The following ZC3H14 variants were observed in gnomAD, a reference collection of about 807,000 sequenced individuals.
ZC3H14 encodes zinc finger CCCH-type containing 14, also known as zinc finger CCCH domain-containing protein 14.
In ZC3H14, 31 loss-of-function variants were observed where a neutral mutation model predicts 92.4. The observed-to-expected ratio is 0.34, with a 90% confidence interval of 0.25 to 0.45. ZC3H14 has a LOEUF of 0.45. ZC3H14 is among the 20% of genes least tolerant of loss of function. The pLI is 1.00. For synonymous variants in ZC3H14, 321 were observed against 300.9 expected, an observed-to-expected ratio of 1.07 and a Z score of -0.69; for missense variants, 781 against 897.3, an observed-to-expected ratio of 0.87 and a Z score of 1.66.
chr14:88,595,562 G>A (rs752415583), intron 9 of ZC3H14, among the ~76,000 whole-genome samples: 1 of 152,062 alleles, frequency 6.6e-6, no homozygotes, highest in Non-Finnish European at 1.5e-5. Context: ...TGTCATCTTC[G>A]TTACAGTTCC....
intron 15 of ZC3H14, among the ~76,000 whole-genome samples, chr14:88,610,129 T>G (rs2086321646): frequency 6.6e-6 from 1 of 152,176 alleles, no homozygotes; most frequent in Non-Finnish European, 1.5e-5. Flanking sequence ...AGAACTGAGA[T>G]GAAGAAATCC....
At chr14:88,567,426 T>C (rs536014580) in intron 2 of ZC3H14, among the ~76,000 whole-genome samples, 4 of 151,628 alleles carry the variant, frequency 2.6e-5, no homozygotes, top group Admixed American at 2.6e-4. Flanking sequence ...TTTTTCTTTT[T>C]TTTTTTTTTT....
intron 6 of ZC3H14, chr14:88,574,249 T>G (rs1402211558): frequency 6.3e-6 from 1 of 159,902 alleles, no homozygotes; most frequent in Non-Finnish European, 1.4e-5. Flanking sequence ...TAGTATTTAT[T>G]TATTTATTTA....
At position 88,571,063 on chromosome 14, in the gene ZC3H14, GT is replaced by G; in HGVS notation, c.195-15del. On this transcript the variant is annotated intron_variant, in intron 3 of 16. Transcript: ENST00000251038. ...CTTTCTTAACAGAAGGTTTATTTTT[GT>G]TTTTTGTTTTTTTCCTCAGGCTTCA... The G allele has an allele frequency of 2.0e-6, 3 of 1,526,840 alleles. No individual in the cohort carries two copies. Among genetic ancestry groups the G allele is most frequent in the Non-Finnish European group, 2.6e-6 (3 of 1,135,012 alleles). 94.6% of individuals were successfully genotyped at this position (1,526,840 alleles called of 1,614,324 possible). A position where few individuals can be genotyped will look rare whatever the true frequency, so the allele number is the denominator to read the frequency against.
At position 88,619,413 on chromosome 14, in the gene ZC3H14, C is replaced by T. The variant is rs988471093; in HGVS notation, c.*7662C>T. On this transcript the variant is annotated 3_prime_UTR_variant, in exon 17 of 17. Transcript: ENST00000251038. ...AATTTTTTAAATAGAGGCGGGGTCT[C>T]ACTATGGTCCCAAACTCCTGGCCTC... 4 of 152,330 alleles carry T rather than the reference C, an allele frequency of 2.6e-5. No individual in the cohort carries two copies. The highest frequency in any genetic ancestry group is 9.7e-5 in the African/African-American group (4 of 41,434). 9.4% of individuals were successfully genotyped at this position (152,330 alleles called of 1,614,324 possible).
At position 88,612,979 on chromosome 14, in the gene ZC3H14, TA is replaced by T. The variant is rs35822845; in HGVS notation, c.*1243del. ...CATTCTCAGGACCAAATTAAACTGC[TA>T]AAAAAAAAAAAAAAGTTCATTGACT... On this transcript the variant is annotated 3_prime_UTR_variant, in exon 17 of 17. Transcript: ENST00000251038. The T allele has an allele frequency of 0.33, 47,468 of 144,310 alleles. 7,980 individuals are homozygous for T. The highest frequency in any genetic ancestry group is 0.5 in the East Asian group (2,458 of 4,954). 8.9% of individuals were successfully genotyped at this position (144,310 alleles called of 1,614,324 possible).
rs774845375 is a variant in ZC3H14 at position 88,622,541 on chromosome 14, G to A, written c.*10790G>A. The stretch of plus-strand genomic sequence containing the variant: ...GTTCATTAGGCTGCAAAGGGTGAGG[G>A]AATCACAGTAATAACCACTTTCTGT... On this transcript the variant is annotated 3_prime_UTR_variant, in exon 17 of 17. Transcript: ENST00000251038. The A allele has an allele frequency of 4.7e-4, 597 of 1,281,514 alleles. No homozygotes were observed. Among genetic ancestry groups the A allele is most frequent in the Non-Finnish European group, 6.0e-4 (558 of 936,204 alleles). 79.4% of individuals were successfully genotyped at this position (1,281,514 alleles called of 1,614,324 possible). A position where few individuals can be genotyped will look rare whatever the true frequency, so the allele number is the denominator to read the frequency against.
chr14:88,585,880 C>T (rs940851173), intron 9 of ZC3H14, among the ~76,000 whole-genome samples: 13 of 152,268 alleles, frequency 8.5e-5, no homozygotes, highest in African/African-American at 3.1e-4. Context: ...TTAAAATGCA[C>T]AAGTTGGGCC....
chr14:88,604,307 T>C (rs1282623136), intron 12 of ZC3H14, among the ~76,000 whole-genome samples: 1 of 152,118 alleles, frequency 6.6e-6, no homozygotes, highest in Non-Finnish European at 1.5e-5. Context: ...GTGGTGAGCC[T>C]CCTTTCCCAT....
At position 88,626,694 on chromosome 14, in the gene ZC3H14, G is replaced by T; in HGVS notation, c.*14943G>T. On this transcript the variant is annotated 3_prime_UTR_variant, in exon 17 of 17. Coordinates refer to ENST00000251038, the MANE Select transcript of ZC3H14 (RefSeq NM_024824.5). ...TAATTTCTGAAAGAACTAGATTTTT[G>T]AAAGATGAAATATATGCTTGACCAG... 7 of 800,324 alleles carry T rather than the reference G, an allele frequency of 8.7e-6. No homozygotes were observed. Among genetic ancestry groups the T allele is most frequent in the South Asian group, 4.2e-5 (2 of 47,478 alleles). The allele number at this position is 800,324 out of a possible 1,614,324, so 49.6% of individuals were successfully genotyped here. A position where few individuals can be genotyped will look rare whatever the true frequency, so the allele number is the denominator to read the frequency against.
At chr14:88,578,530 T>G (rs993498091) in intron 9 of ZC3H14, among the ~76,000 whole-genome samples, 6 of 152,236 alleles carry the variant, frequency 3.9e-5, no homozygotes, top group Admixed American at 2.0e-4. Flanking sequence ...TGAACTCTCA[T>G]GAACCCAGTC....
rs375228484 is a variant in ZC3H14 at position 88,572,532 on chromosome 14, A to G, written c.432-46A>G. On this transcript the variant is annotated intron_variant, in intron 5 of 16. Coordinates refer to ENST00000251038, the MANE Select transcript of ZC3H14 (RefSeq NM_024824.5). ...AACATTCTTTAAAGATTTGGTGATA[A>G]TTGCCCTAATTTGGCTGTAATACAT... 67 of 1,606,290 alleles carry G rather than the reference A, an allele frequency of 4.2e-5. 1 individual carries two copies. The African/African-American group carries it at 7.9e-4, about 19-fold the overall frequency.
At chr14:88,590,599 T>C (rs535276631) in intron 9 of ZC3H14, 3 of 152,350 alleles carry the variant, frequency 2.0e-5, no homozygotes, top group African/African-American at 7.2e-5. Flanking sequence ...CCATAACGTT[T>C]GTCACCATCA....
intron 12 of ZC3H14, 94 bp downstream of exon 12, chr14:88,603,154 T>A (rs2084884891): frequency 7.4e-6 from 9 of 1,212,372 alleles, no homozygotes; most frequent in Non-Finnish European, 1.1e-5. Context: ...TTAAAGGCCT[T>A]GCTTTTATTT....
chr14:88,598,433 A>G lies in ZC3H14; in HGVS notation c.1354+1625A>G, dbSNP rs554490248. ...AGAAGGCTGGGGGAGGCACCTCACC[A>G]TTAATTATTATGTAATGTTTATTTA... On this transcript the variant is annotated intron_variant, in intron 10 of 16. Coordinates refer to ENST00000251038, the MANE Select transcript of ZC3H14 (RefSeq NM_024824.5). Among the ~76,000 whole-genome samples, 10 of 152,290 alleles carry G rather than the reference A, an allele frequency of 6.6e-5. No homozygotes were observed. The South Asian group carries it at 2.1e-3, about 32-fold the overall frequency.
At chr14:88,574,274 CT>C (rs1321555983) in intron 6 of ZC3H14, 2 of 171,578 alleles carry the variant, frequency 1.2e-5, no homozygotes, top group African/African-American at 4.8e-5. Context: ...GATACGGTGT[CT>C]CACTCTGTCG....
chr14:88,567,350 T>A (rs1294992540), intron 2 of ZC3H14, among the ~76,000 whole-genome samples: 1 of 151,428 alleles, frequency 6.6e-6, no homozygotes, highest in Non-Finnish European at 1.5e-5. Context: ...CTCCTAACCT[T>A]GTGATCTGCC....
At chr14:88,587,798 T>G (rs1476781730) in intron 9 of ZC3H14, among the ~76,000 whole-genome samples, 1 of 151,984 alleles carries the variant, frequency 6.6e-6, no homozygotes, top group Non-Finnish European at 1.5e-5. Context: ...ATTTTAATGT[T>G]TTTTAATTAG....
rs1390214232 is a variant in ZC3H14 at position 88,616,696 on chromosome 14, C to T, written c.*4945C>T. 1 of 1,590,894 alleles carries T rather than the reference C, an allele frequency of 6.3e-7. No homozygotes were observed. Among genetic ancestry groups the T allele is most frequent in the Non-Finnish European group, 8.6e-7 (1 of 1,166,106 alleles). ...ATAAGACATCAAAATTAGGAGTAAA[C>T]TGATAATAGTAAACAAAACACAAAC... On this transcript the variant is annotated 3_prime_UTR_variant, in exon 17 of 17. Transcript: ENST00000251038.
Sources: gnomAD v4.1 joint callset for allele counts (sites outside exome capture counted in the v4.1 genomes callset) on GRCh38, gnomAD v4.1.1 for gene constraint, MANE v1.5 for transcripts, NCBI Gene and HGNC (gene_info 2026-07-23, HGNC 2026-07-21) for gene names.